The following PARP1 variants were observed in gnomAD, a reference collection of about 807,000 sequenced individuals.
The protein encoded by PARP1 is poly(ADP-ribose) polymerase 1, also known as poly [ADP-ribose] polymerase 1.
In PARP1, 44 loss-of-function variants were observed where a neutral mutation model predicts 118.7. The ratio of observed to expected loss-of-function variants is 0.37; its 90% CI spans 0.29 to 0.48. The LOEUF (loss-of-function observed/expected upper bound fraction) is 0.48, where lower values mean the gene tolerates loss of function less well. PARP1 is among the 20% of genes least tolerant of loss of function. The probability of loss-of-function intolerance (pLI) is 0.99; values close to 1 mark genes in which losing one functional copy is unlikely to be tolerated. For missense variants in PARP1, 1,100 were observed against 1,272.4 expected (o/e 0.86, Z 2.06); for synonymous variants, 492 against 483.2 (o/e 1.02, Z -0.24).
chr1:226,366,668 C>T (rs1055690132), intron 17 of PARP1: 1 of 156,470 alleles, frequency 6.4e-6, no homozygotes, highest in African/African-American at 2.4e-5. Flanking sequence ...ATAAGAATCC[C>T]TTCACGAAGA....
chr1:226,386,043 C>T (rs915451945), intron 6 of PARP1, among the ~76,000 whole-genome samples: 26 of 152,210 alleles, frequency 1.7e-4, no homozygotes, highest in Non-Finnish European at 3.7e-4. Context: ...TGCCACCCCT[C>T]AGGAGGGGGC....
intron 17 of PARP1, chr1:226,366,645 T>C (rs1664270364): frequency 6.4e-6 from 1 of 156,778 alleles, no homozygotes. Context: ...GGCTTCAGAA[T>C]TGTAAAAAGA....
chr1:226,398,384 T>A (rs1038501616), intron 2 of PARP1, among the ~76,000 whole-genome samples: 10 of 151,754 alleles, frequency 6.6e-5, no homozygotes, highest in Non-Finnish European at 1.5e-4. Context: ...CTACAAAAAA[T>A]TTAAAAAAAT....
At chr1:226,368,417 T>C (rs984092387) in intron 15 of PARP1, 96 bp from the exon 16 acceptor site, 1 of 1,521,754 alleles carries the variant, frequency 6.6e-7, no homozygotes, top group South Asian at 1.1e-5. Context: ...CTGCAGCAGG[T>C]CCAGAAGTAG....
At chr1:226,380,305 C>G in intron 9 of PARP1, 141 bp from the exon 10 acceptor site, 1 of 861,522 alleles carries the variant, frequency 1.2e-6, no homozygotes, top group East Asian at 2.6e-5. Context: ...CTAATGCTCC[C>G]AAGAGTGTTT....
chr1:226,366,930 C>CGT, intron 17 of PARP1: 1 of 185,672 alleles, frequency 5.4e-6, no homozygotes, highest in Non-Finnish European at 1.1e-5. Flanking sequence ...AGGACCGGGC[C>CGT]ATCTAGAAGC....
chr1:226,398,754 A>G (rs1002555316), intron 2 of PARP1, among the ~76,000 whole-genome samples: 2 of 152,240 alleles, frequency 1.3e-5, no homozygotes, highest in Non-Finnish European at 2.9e-5. Flanking sequence ...ACTCTCATCT[A>G]TTGCTGGTGG....
chr1:226,367,130 T>G, intron 17 of PARP1: 4 of 347,036 alleles, frequency 1.2e-5, no homozygotes, highest in South Asian at 5.2e-5. Flanking sequence ...GCTACAAGGG[T>G]TTAGAAAAAC....
At chr1:226,363,237 G>T in intron 20 of PARP1, 77 bp from the exon 21 acceptor site, 1 of 946,810 alleles carries the variant, frequency 1.1e-6, no homozygotes, top group South Asian at 1.3e-5. Flanking sequence ...AGGAGAATAA[G>T]ATCAGATACA....
In PARP1 at chr1:226,383,132, G is replaced by A. The variant is rs753458085; in HGVS notation, c.1063C>T (p.Arg355Cys). The change falls in exon 8 of 23, where the codon CGT (arginine) becomes TGT (cysteine). Residue 355 changes from arginine to cysteine, a missense_variant. By Grantham distance (180) the Arg-to-Cys change is radical. Around this residue, in one of 2 missense-constraint regions of PARP1, gnomAD observed 948 missense variants for 1,031.8 expected, o/e 0.92. Coordinates refer to ENST00000366794, the MANE Select transcript of PARP1 (RefSeq NM_001618.4). ...LKKLKVKKQD[R>C]IFPPETSASV... ...GCGCTGGTTTCTGGGGGGAATATAC[G>A]GTCCTGTTTTTTAACCTTCAATTTC... 7 of 1,612,546 alleles carry A rather than the reference G, an allele frequency of 4.3e-6. No individual in the cohort carries two copies. In the South Asian group the frequency reaches 5.5e-5, roughly 13 times the overall value.
At chr1:226,365,653 GC>G (rs1279068200) in intron 18 of PARP1, among the ~76,000 whole-genome samples, 2 of 152,042 alleles carry the variant, frequency 1.3e-5, no homozygotes, top group African/African-American at 4.8e-5. Context: ...TGTAATCCCA[GC>G]TACTCTGGAG....
At chr1:226,389,787 G>C (rs1174153921) in intron 4 of PARP1, among the ~76,000 whole-genome samples, 1 of 152,162 alleles carries the variant, frequency 6.6e-6, no homozygotes, top group Non-Finnish European at 1.5e-5. Context: ...GTGCATACCA[G>C]GCTCTGCCAC....
chr1:226,363,617 A>C (rs371774000), intron 20 of PARP1, among the ~76,000 whole-genome samples: 1 of 152,210 alleles, frequency 6.6e-6, no homozygotes, highest in South Asian at 2.1e-4. Context: ...AAGAAAACTG[A>C]AACACTGGTG....
intron 16 of PARP1, 46 bp from the exon 17 acceptor site, chr1:226,367,654 G>T: frequency 6.2e-7 from 1 of 1,610,380 alleles, no homozygotes; most frequent in Non-Finnish European, 8.5e-7. Flanking sequence ...CATGGTGAAT[G>T]AGACAGACTC....
intron 11 of PARP1, 124 bp downstream of exon 11, chr1:226,379,449 G>T: frequency 2.7e-6 from 3 of 1,130,826 alleles, no homozygotes; most frequent in Non-Finnish European, 2.7e-6. Flanking sequence ...AAGGAGGCCT[G>T]AGTGAGGACA....
chr1:226,390,321 A>G, intron 4 of PARP1, 89 bp downstream of exon 4: 1 of 1,110,010 alleles, frequency 9.0e-7, no homozygotes, highest in South Asian at 1.2e-5. Context: ...GAAGGGAAAC[A>G]GAGGAGTGGT....
intron 7 of PARP1, 104 bp downstream of exon 7, chr1:226,385,400 G>A (rs1664695320): frequency 1.1e-6 from 1 of 940,860 alleles, no homozygotes; most frequent in South Asian, 1.3e-5. Context: ...AGAAGTCTGA[G>A]GAACATGGCC....
At chr1:226,407,512 A>G (rs1467119169) in intron 1 of PARP1, among the ~76,000 whole-genome samples, 1 of 152,170 alleles carries the variant, frequency 6.6e-6, no homozygotes, top group Non-Finnish European at 1.5e-5. Context: ...GAACGGCAGT[A>G]ATAAAACACC....
Position 226,374,333 on chromosome 1 carries a change from G to C in PARP1, c.1963C>G (p.Leu655Val). 1 of 1,614,194 alleles carries C rather than the reference G, an allele frequency of 6.2e-7. No individual in the cohort carries two copies. The highest frequency in any genetic ancestry group is 8.5e-7 in the Non-Finnish European group (1 of 1,180,040). ...GACTTGGTGCCAGGATTTACTGTCA[G>C]CTTCTTCACTGCCTCTTCATCCTTC... ...YGQDEEAVKK[L>V]TVNPGTKSKL... is the part of the protein sequence containing the mutation. Residue 655 changes from leucine to valine, a missense_variant, in exon 14 of 23, where the codon CTG becomes GTG. By Grantham distance (32) the Leu-to-Val change is conservative. Transcript: ENST00000366794.
Sources: gnomAD v4.1 joint callset for allele counts (sites outside exome capture counted in the v4.1 genomes callset) on GRCh38, gnomAD v4.1.1 for gene constraint, gnomAD v4.1.1 regional missense constraint, MANE v1.5 for transcripts, NCBI Gene and HGNC (gene_info 2026-07-23, HGNC 2026-07-21) for gene names.